RNF24: variants seen among roughly 807,000 people sequenced by gnomAD.
RNF24 encodes ring finger protein 24.
In RNF24, 14 loss-of-function variants were observed where a neutral mutation model predicts 20.0. The ratio of observed to expected loss-of-function variants is 0.70; its 90% confidence interval spans 0.46 to 1.10. The LOEUF is 1.10. Ranked by LOEUF, RNF24 falls within the 50% of genes least tolerant of loss-of-function variation. The probability of loss-of-function intolerance (pLI) is 0.00; values close to 1 mark genes in which losing one functional copy is unlikely to be tolerated. For missense variants in RNF24, 124 were observed against 177.6 expected (o/e 0.70, Z 1.71); for synonymous variants, 45 against 61.1 (o/e 0.74, Z 1.23).
At chr20:3,937,254 G>C (rs1418549429) in intron 4 of RNF24, among the ~76,000 whole-genome samples, 1 of 152,076 alleles carries the variant, frequency 6.6e-6, no homozygotes, top group Non-Finnish European at 1.5e-5. Context: ...AATGCTAAAG[G>C]TGACCAAAGT....
rs1365362651 is a variant in RNF24, at chr20:4,015,552, T to C, written c.-123A>G. On this transcript the variant is annotated 5_prime_UTR_variant, in exon 1 of 6. Coordinates refer to ENST00000358395, the MANE Select transcript of RNF24 (RefSeq NM_001134337.3). Reference sequence around the variant, plus strand: ...AGAGCGCGGCGGAGGTGGCGGCGGCTGACTGCGCCCGGCGGCCCCTCGCGA... The same window carrying C: ...AGAGCGCGGCGGAGGTGGCGGCGGCCGACTGCGCCCGGCGGCCCCTCGCGA... 6.7e-6 allele frequency: 1 copy of C among 150,358 alleles called. No individual in the cohort carries two copies. Among genetic ancestry groups the C allele is most frequent in the African/African-American group, 2.4e-5 (1 of 41,092 alleles). The allele number at this position is 150,358 out of a possible 1,614,324, so 9.3% of individuals were successfully genotyped here.
At chr20:3,945,437 G>A (rs900010873) in intron 3 of RNF24, among the ~76,000 whole-genome samples, 1 of 152,058 alleles carries the variant, frequency 6.6e-6, no homozygotes, top group South Asian at 2.1e-4. Context: ...AATTTTGGCC[G>A]AGCATAGTGG....
At chr20:3,939,194 A>ATGTT (rs1555794253) in intron 4 of RNF24, among the ~76,000 whole-genome samples, 1 of 152,110 alleles carries the variant, frequency 6.6e-6, no homozygotes, top group Non-Finnish European at 1.5e-5. Context: ...GAGTCTTGCT[A>ATGTT]TGTTGCCCAG....
intron 4 of RNF24, among the ~76,000 whole-genome samples, chr20:3,936,454 C>T (rs1403792761): frequency 6.6e-6 from 1 of 152,208 alleles, no homozygotes; most frequent in Non-Finnish European, 1.5e-5. Context: ...AGGCAGTCTA[C>T]CAATGCCAGC....
chr20:3,975,232 A>G (rs1978763964), intron 1 of RNF24, among the ~76,000 whole-genome samples: 1 of 152,192 alleles, frequency 6.6e-6, no homozygotes, highest in Non-Finnish European at 1.5e-5. Context: ...TCTTGATCTT[A>G]ACCTCACACA....
chr20:3,935,139 T>C (rs532335331), intron 4 of RNF24, 66 bp from the exon 5 acceptor site: 29 of 1,352,662 alleles, frequency 2.1e-5, no homozygotes, highest in Non-Finnish European at 3.0e-5. Context: ...CAAAGTAGAG[T>C]GCAGGCTCCT....
intron 1 of RNF24, among the ~76,000 whole-genome samples, chr20:3,992,434 G>A (rs952492204): frequency 6.6e-6 from 1 of 152,028 alleles, no homozygotes; most frequent in African/African-American, 2.4e-5. Context: ...AACTTTAGAT[G>A]TAAGTTTGTA....
At chr20:3,988,011 TA>T (rs11362888) in intron 1 of RNF24, among the ~76,000 whole-genome samples, 2,192 of 148,268 alleles carry the variant, frequency 0.015, 27 homozygotes, top group African/African-American at 0.029. Context: ...CAGCTTAAAA[TA>T]AAAAAAAAAA....
At chr20:3,957,457 CAAA>C (rs71195873) in intron 2 of RNF24, among the ~76,000 whole-genome samples, 1 of 94,546 alleles carries the variant, frequency 1.1e-5, no homozygotes, top group Non-Finnish European at 2.1e-5. Flanking sequence ...GACCCTGTCT[CAAA>C]AAAAAAAAAA....
chr20:3,992,109 A>C (rs6107386), intron 1 of RNF24, among the ~76,000 whole-genome samples: 19,264 of 152,262 alleles, frequency 0.13, 1,461 homozygotes, highest in Non-Finnish European at 0.17. Flanking sequence ...AGGATAACAG[A>C]GATCTTACTC....
At chr20:3,936,316 G>A (rs766894948) in intron 4 of RNF24, among the ~76,000 whole-genome samples, 4 of 152,186 alleles carry the variant, frequency 2.6e-5, no homozygotes, top group Non-Finnish European at 5.9e-5. Flanking sequence ...CACTAGCTGT[G>A]TGGCCTCTGC....
intron 2 of RNF24, among the ~76,000 whole-genome samples, chr20:3,960,859 T>G (rs530798236): frequency 6.6e-6 from 1 of 152,214 alleles, no homozygotes; most frequent in East Asian, 2.0e-4. Context: ...TGTGGCACAA[T>G]CTTGGCTCAA....
intron 4 of RNF24, among the ~76,000 whole-genome samples, chr20:3,937,566 AC>A (rs1005529892): frequency 1.2e-5 from 1 of 83,106 alleles, no homozygotes; most frequent in Non-Finnish European, 2.5e-5. Context: ...CCACCCACCC[AC>A]CCCCCAAAAC....
intron 1 of RNF24, among the ~76,000 whole-genome samples, chr20:3,990,719 T>TA (rs1309486562): frequency 2.0e-5 from 3 of 152,000 alleles, no homozygotes; most frequent in African/African-American, 4.8e-5. Flanking sequence ...CATATATATA[T>TA]TTTTTAATTA....
chr20:3,949,379 T>C (rs2091055823), intron 2 of RNF24, among the ~76,000 whole-genome samples: 1 of 150,614 alleles, frequency 6.6e-6, no homozygotes. Context: ...GACTTTGTCT[T>C]GAAAAAAATA....
At chr20:3,986,223 C>T (rs1979889920) in intron 1 of RNF24, among the ~76,000 whole-genome samples, 1 of 151,948 alleles carries the variant, frequency 6.6e-6, no homozygotes, top group Non-Finnish European at 1.5e-5. Context: ...TTTCTTCCTT[C>T]CCTTTCCTCC....
chr20:4,009,486 T>G (rs1332363006), intron 1 of RNF24, among the ~76,000 whole-genome samples: 4 of 152,146 alleles, frequency 2.6e-5, no homozygotes, highest in Non-Finnish European at 5.9e-5. Flanking sequence ...GGAGCTTGCC[T>G]CCGACAGGAG....
rs2090782927 is a variant in RNF24, at chr20:3,929,271, G to C, written c.*4792C>G. On this transcript the variant is annotated 3_prime_UTR_variant, in exon 6 of 6. Coordinates refer to ENST00000358395, the MANE Select transcript of RNF24 (RefSeq NM_001134337.3). ...TTACGAAAATTAGCCAGGTGTGCTG[G>C]TGTGCACCTGTAGACGCAGCTACAG... 6.6e-6 allele frequency: 1 copy of C among 152,256 alleles called. No individual in the cohort carries two copies. Among genetic ancestry groups the C allele is most frequent in the African/African-American group, 2.4e-5 (1 of 41,430 alleles). The allele number at this position is 152,256 out of a possible 1,614,324, so 9.4% of individuals were successfully genotyped here.
At chr20:4,012,513 T>C (rs1047568244) in intron 1 of RNF24, among the ~76,000 whole-genome samples, 2 of 152,134 alleles carry the variant, frequency 1.3e-5, no homozygotes, top group African/African-American at 4.8e-5. Flanking sequence ...TATGAGACAT[T>C]ACTGGGAGGA....
Sources: allele counts gnomAD v4.1 joint callset (sites outside exome capture counted in the v4.1 genomes callset), GRCh38; gene constraint gnomAD v4.1.1; transcripts MANE v1.5; gene names NCBI Gene and HGNC (gene_info 2026-07-23, HGNC 2026-07-21).